ITGAV: variants seen among roughly 807,000 people sequenced by gnomAD.
ITGAV encodes integrin subunit alpha V.
ITGAV carries 76 observed loss-of-function variants against 143.8 expected under a neutral mutation model. The observed-to-expected ratio is 0.53, with a 90% CI of 0.44 to 0.64. The LOEUF (loss-of-function observed/expected upper bound fraction) is 0.64, where lower values mean the gene tolerates loss of function less well. Among genes scored for constraint, ITGAV ranks in the 30% least tolerant of loss-of-function variants. The pLI is 0.00. For missense variants in ITGAV, 1,193 were observed against 1,274.7 expected, an observed-to-expected ratio of 0.94 and a Z score of 0.98; for synonymous variants, 453 against 446.7, an observed-to-expected ratio of 1.01 and a Z score of -0.18.
intron 1 of ITGAV, among the ~76,000 whole-genome samples, chr2:186,596,413 G>A (rs567634372): frequency 1.1e-4 from 16 of 150,960 alleles, no homozygotes; most frequent in Admixed American, 2.6e-4. Context: ...TTATTTTTAT[G>A]GAGTGTTTTA....
At chr2:186,676,366 C>A (rs551544512) in intron 28 of ITGAV, 14 of 168,966 alleles carry the variant, frequency 8.3e-5, no homozygotes, top group African/African-American at 2.2e-4. Flanking sequence ...TTTTGGGAGG[C>A]TGAGACAGGT....
intron 12 of ITGAV, among the ~76,000 whole-genome samples, chr2:186,642,436 T>C (rs1688131808): frequency 6.6e-6 from 1 of 152,170 alleles, no homozygotes; most frequent in Non-Finnish European, 1.5e-5. Context: ...CCCTCAAGAT[T>C]TCACACCTGT....
intron 13 of ITGAV, among the ~76,000 whole-genome samples, chr2:186,649,003 C>CATTTGTATATATAT (rs1559058639): frequency 0.041 from 248 of 6,120 alleles, 102 homozygotes; most frequent in Admixed American, 0.14. Context: ...TATATATATA[C>CATTTGTATATATAT]ACATTTGTGT....
rs1446536691 is a variant in ITGAV at position 186,679,681 on chromosome 2, G to A, written c.*2389G>A. On this transcript the variant is annotated 3_prime_UTR_variant, in exon 30 of 30. Transcript: ENST00000261023. ...GAACTAGAAGATATTAAAAACATTT[G>A]ACATTGGTAAGAAATATTGATACTG... is the stretch of plus-strand genomic sequence containing the variant. The A allele has an allele frequency of 1.3e-5, 2 of 151,878 alleles. No individual in the cohort carries two copies. Among genetic ancestry groups the A allele is most frequent in the Non-Finnish European group, 2.9e-5 (2 of 67,858 alleles). 9.4% of individuals were successfully genotyped at this position (151,878 alleles called of 1,614,324 possible). A position where few individuals can be genotyped will look rare whatever the true frequency, so the allele number is the denominator to read the frequency against.
At position 186,678,474 on chromosome 2, in the gene ITGAV, G is replaced by C. The variant is rs1445917386; in HGVS notation, c.*1182G>C. On this transcript the variant is annotated 3_prime_UTR_variant, in exon 30 of 30. Coordinates refer to ENST00000261023, the MANE Select transcript of ITGAV (RefSeq NM_002210.5). ...AGGAATATTACCTCTGTTTAAGCAA[G>C]GTAATGTGTAAAATCAGTCTCGGCT... 2 of 220,636 alleles carry C rather than the reference G, an allele frequency of 9.1e-6. No homozygotes were observed. Among genetic ancestry groups the C allele is most frequent in the East Asian group, 2.6e-4 (2 of 7,634 alleles). 13.7% of individuals were successfully genotyped at this position (220,636 alleles called of 1,614,324 possible).
At chr2:186,639,212 A>G (rs1297557688) in intron 10 of ITGAV, among the ~76,000 whole-genome samples, 2 of 152,188 alleles carry the variant, frequency 1.3e-5, no homozygotes, top group African/African-American at 4.8e-5. Context: ...GTATGTCTCA[A>G]AGAATTATAC....
intron 18 of ITGAV, among the ~76,000 whole-genome samples, chr2:186,662,289 G>T (rs185874174): frequency 1.8e-3 from 271 of 152,130 alleles, no homozygotes; most frequent in African/African-American, 5.8e-3. Context: ...TCTTCTAATA[G>T]TCCTTTTTTA....
Position 186,652,060 on chromosome 2 carries a change from A to G in ITGAV, c.1476A>G (p.Ser492=). ...SILNQDNKTC[S]LPGTALKVSC... is the part of the protein sequence containing the mutation. ...TAAATCAAGACAATAAAACCTGCTC[A>G]CTGCCTGGAACAGCTCTCAAAGTTT... The change falls in exon 15 of 30, where the codon TCA becomes TCG. Residue 492 remains serine, a synonymous_variant. Transcript: ENST00000261023. The G allele has an allele frequency of 6.2e-7, 1 of 1,610,746 alleles. No individual in the cohort carries two copies. The highest frequency in any genetic ancestry group is 8.5e-7 in the Non-Finnish European group (1 of 1,176,992).
In ITGAV at chr2:186,667,704, T is replaced by C; in HGVS notation, c.2361T>C (p.Ile787=). The C allele has an allele frequency of 6.2e-7, 1 of 1,610,954 alleles. No individual in the cohort carries two copies. Among genetic ancestry groups the C allele is most frequent in the Non-Finnish European group, 8.5e-7 (1 of 1,177,704 alleles). ...VSSPDHVFLP[I]PNWEHKENPE... ...GTCCTGATCATGTCTTTCTTCCGAT[T>C]CCAAACTGGGAGCACAAGGAGAACC... Residue 787 remains isoleucine (I), a synonymous_variant, in exon 24 of 30, where the codon ATT becomes ATC. Transcript: ENST00000261023.
intron 10 of ITGAV, among the ~76,000 whole-genome samples, chr2:186,640,287 T>G (rs887081471): frequency 6.6e-6 from 1 of 152,188 alleles, no homozygotes; most frequent in Admixed American, 6.5e-5. Flanking sequence ...CATTATAAGC[T>G]CATAATAAAC....
chr2:186,653,401 T>C (rs1688497584), intron 15 of ITGAV, among the ~76,000 whole-genome samples: 2 of 152,186 alleles, frequency 1.3e-5, no homozygotes, highest in Non-Finnish European at 2.9e-5. Flanking sequence ...ACACTATTCA[T>C]GTTCCTTACT....
In ITGAV at chr2:186,678,560, A is replaced by G. The variant is rs1689275186; in HGVS notation, c.*1268A>G. ...GTTCAAGTTACTGAAAACCTTTTAA[A>G]CCTTTCTGAAGTTCGTTAGTATAAA... On this transcript the variant is annotated 3_prime_UTR_variant, in exon 30 of 30. Transcript: ENST00000261023. The G allele has an allele frequency of 3.3e-6, 1 of 300,738 alleles. No individual in the cohort carries two copies. The highest frequency in any genetic ancestry group is 4.6e-5 in the Admixed American group (1 of 21,846). The allele number at this position is 300,738 out of a possible 1,614,324, so 18.6% of individuals were successfully genotyped here. A position where few individuals can be genotyped will look rare whatever the true frequency, so the allele number is the denominator to read the frequency against.
At chr2:186,620,558 G>A (rs1687493137) in intron 2 of ITGAV, among the ~76,000 whole-genome samples, 1 of 152,126 alleles carries the variant, frequency 6.6e-6, no homozygotes, top group Admixed American at 6.5e-5. Context: ...AGCTCAGGAG[G>A]TCAAGACTAG....
rs958208845 is a variant in ITGAV at position 186,636,010 on chromosome 2, G to A, written c.632-72G>A. The A allele has an allele frequency of 1.5e-5, 20 of 1,294,058 alleles. No individual in the cohort carries two copies. In the South Asian group the frequency reaches 2.7e-4, roughly 17 times the overall value. 80.2% of individuals were successfully genotyped at this position (1,294,058 alleles called of 1,614,324 possible). ...TCTAATATTGTTTTCCTTCATGCAGGTACCATACATTATCTGTATCATAAA... is the reference window on the plus strand; with the variant it reads ...TCTAATATTGTTTTCCTTCATGCAGATACCATACATTATCTGTATCATAAA... On this transcript the variant is annotated intron_variant, in intron 6 of 29. Transcript: ENST00000261023.
At chr2:186,597,562 A>G (rs1471534277) in intron 1 of ITGAV, among the ~76,000 whole-genome samples, 2 of 152,198 alleles carry the variant, frequency 1.3e-5, no homozygotes, top group Admixed American at 6.5e-5. Context: ...CAAAGAAGCA[A>G]TTTATCATAA....
At chr2:186,657,953 GA>G (rs59394534) in intron 17 of ITGAV, among the ~76,000 whole-genome samples, 37,164 of 150,348 alleles carry the variant, frequency 0.25, 5,347 homozygotes, top group East Asian at 0.73. Context: ...CTCTTTGAAA[GA>G]AAAAAAAAAC....
intron 5 of ITGAV, among the ~76,000 whole-genome samples, chr2:186,632,468 G>T (rs1687838335): frequency 6.6e-6 from 1 of 152,046 alleles, no homozygotes; most frequent in South Asian, 2.1e-4. Context: ...GCTTGGAAGG[G>T]CTATATGTAC....
At chr2:186,657,371 T>A (rs1451359883) in intron 17 of ITGAV, among the ~76,000 whole-genome samples, 1 of 152,072 alleles carries the variant, frequency 6.6e-6, no homozygotes, top group African/African-American at 2.4e-5. Flanking sequence ...ATAAAGGAAG[T>A]CTAAACAAAT....
intron 3 of ITGAV, among the ~76,000 whole-genome samples, chr2:186,623,896 G>A (rs982403692): frequency 2.6e-5 from 4 of 151,954 alleles, no homozygotes; most frequent in African/African-American, 4.8e-5. Flanking sequence ...CCACTGCAAC[G>A]GCTCTTCTCA....
Sources: gnomAD v4.1 joint callset for allele counts (sites outside exome capture counted in the v4.1 genomes callset) on GRCh38, gnomAD v4.1.1 for gene constraint, MANE v1.5 for transcripts, NCBI Gene and HGNC (gene_info 2026-07-23, HGNC 2026-07-21) for gene names.